ATRAID: variants seen among roughly 807,000 people sequenced by gnomAD.
ATRAID encodes all-trans retinoic acid induced differentiation factor.
A neutral mutation model predicts 28.8 loss-of-function variants in ATRAID; 26 were observed. The observed-to-expected ratio is 0.90, with a 90% CI of 0.66 to 1.25. The LOEUF (loss-of-function observed/expected upper bound fraction) is 1.25. Ranked by LOEUF, ATRAID falls within the 50% of genes most tolerant of loss-of-function variation. The pLI, the probability that ATRAID is intolerant of heterozygous loss-of-function variation, is 0.00. For synonymous variants in ATRAID, 131 were observed against 108.5 expected (o/e 1.21, Z -1.29); for missense variants, 308 against 285.9 (o/e 1.08, Z -0.56).
At chr2:27,214,777 G>A (rs897111476) in intron 2 of ATRAID, among the ~76,000 whole-genome samples, 1 of 152,162 alleles carries the variant, frequency 6.6e-6, no homozygotes, top group Non-Finnish European at 1.5e-5. Flanking sequence ...GCTTGAACCC[G>A]GGAGATGGAG....
intron 2 of ATRAID, among the ~76,000 whole-genome samples, chr2:27,214,215 G>A (rs895077442): frequency 3.9e-5 from 6 of 152,104 alleles, no homozygotes; most frequent in Non-Finnish European, 7.4e-5. Flanking sequence ...CCACTCAAAG[G>A]CCAAAATACT....
rs775983931 is a variant in ATRAID at position 27,212,155 on chromosome 2, G to A, written c.-214G>A. 42 of 1,533,204 alleles carry A rather than the reference G, an allele frequency of 2.7e-5. No individual in the cohort carries two copies. The Middle Eastern group carries it at 6.2e-4, about 23-fold the overall frequency. The allele number at this position is 1,533,204 out of a possible 1,614,324, so 95.0% of individuals were successfully genotyped here. On this transcript the variant is annotated 5_prime_UTR_variant, in exon 1 of 7. Transcript: ENST00000380171. ...GACGGGGGAGGCCTTCACTAAAGGG[G>A]AAAAGGAAGAGGGGGTCGGCCAGTA...
chr2:27,212,464 C>T lies in ATRAID; in HGVS notation c.96C>T (p.Pro32=), dbSNP rs775244461. 7 of 1,563,226 alleles carry T rather than the reference C, an allele frequency of 4.5e-6. No homozygotes were observed. In the African/African-American group the frequency reaches 5.5e-5, roughly 12 times the overall value. Residue 32 remains proline (P), a synonymous_variant, in exon 1 of 7, where the codon CCC becomes CCT. Transcript: ENST00000380171. ...ALGVERALAL[P]EICTQCPGSV... ...GCGTGGAAAGGGCTCTGGCGCTACC[C>T]GAGGTACAGAAGCAAGTTTGAGGTC...
chr2:27,212,667 C>T (rs1023500601), intron 1 of ATRAID, 200 bp downstream of exon 1: 3 of 1,379,776 alleles, frequency 2.2e-6, no homozygotes, highest in Non-Finnish European at 1.9e-6. Context: ...TGCCGACTTT[C>T]AAAGACCTGT....
In ATRAID at chr2:27,213,201, G is replaced by T. The variant is rs774464640; in HGVS notation, c.124G>T (p.Val42Leu). The change falls in exon 2 of 7, where the codon GTG (valine) becomes TTG (leucine). Residue 42 changes from valine to leucine, a missense_variant. Transcript: ENST00000380171. ...PEICTQCPGSVQNLSKVAFYC... is the reference protein window; with the variant it reads ...PEICTQCPGSLQNLSKVAFYC... Reference sequence around the variant, plus strand: ...GATATGCACCCAATGTCCAGGGAGCGTGCAAAATTTGTCAAAAGTGGCCTT... The same window carrying T: ...GATATGCACCCAATGTCCAGGGAGCTTGCAAAATTTGTCAAAAGTGGCCTT... 25 of 1,613,938 alleles carry T rather than the reference G, an allele frequency of 1.5e-5. No individual in the cohort carries two copies. Among genetic ancestry groups the T allele is most frequent in the Admixed American group, 1.3e-4 (8 of 59,998 alleles).
rs147492156 is a variant in ATRAID at position 27,215,499 on chromosome 2, G to A, written c.319G>A (p.Gly107Ser). 32 of 1,614,080 alleles carry A rather than the reference G, an allele frequency of 2.0e-5. No homozygotes were observed. In the Middle Eastern group the frequency reaches 1.2e-3, roughly 58 times the overall value. ...IIDLQANPLKGDLANTFRGFT... is the reference protein window; with the variant it reads ...IIDLQANPLKSDLANTFRGFT... ...AGACCTGCAAGCAAACCCCCTCAAA[G>A]GTGACTTGGCCAACACCTTCCGTGG... Residue 107 changes from glycine to serine, a missense_variant, in exon 4 of 7, where the codon GGT becomes AGT. Coordinates refer to ENST00000380171, the MANE Select transcript of ATRAID (RefSeq NM_001170795.4).
Position 27,212,205 on chromosome 2 carries a change from T to G in ATRAID, c.-164T>G. On this transcript the variant is annotated 5_prime_UTR_variant, in exon 1 of 7. The change abolishes an upstream ATG in the 5' untranslated region. Coordinates refer to ENST00000380171, the MANE Select transcript of ATRAID (RefSeq NM_001170795.4). ...ATCCCCGAAAGAGGGCTAGGGCGCA[T>G]GAAGACCAGCGCAGAGCTCCACGAG... 1.9e-6 allele frequency: 3 copies of G among 1,555,460 alleles called. No individual in the cohort carries two copies. Among genetic ancestry groups the G allele is most frequent in the Non-Finnish European group, 1.7e-6 (2 of 1,150,138 alleles).
intron 5 of ATRAID, among the ~76,000 whole-genome samples, chr2:27,216,085 G>A (rs1461819776): frequency 6.6e-6 from 1 of 152,226 alleles, no homozygotes; most frequent in Non-Finnish European, 1.5e-5. Context: ...TAGGAGTGCT[G>A]TTTTGCGGGC....
chr2:27,214,077 C>A (rs1255313530), intron 2 of ATRAID, among the ~76,000 whole-genome samples: 3 of 152,160 alleles, frequency 2.0e-5, no homozygotes, highest in Non-Finnish European at 4.4e-5. Flanking sequence ...TTAAAAACTT[C>A]CTGTAATCTT....
At chr2:27,212,530 G>C (rs911844796) in intron 1 of ATRAID, 63 bp downstream of exon 1, 1 of 1,505,628 alleles carries the variant, frequency 6.6e-7, no homozygotes, top group African/African-American at 1.4e-5. Context: ...CGTCGCGCTC[G>C]CCAGCGGCTC....
chr2:27,216,810 T>C lies in ATRAID; in HGVS notation c.586-34T>C, dbSNP rs559252443. The C allele has an allele frequency of 2.4e-5, 37 of 1,569,534 alleles. No homozygotes were observed. In the African/African-American group the frequency reaches 4.6e-4, roughly 20 times the overall value. ...TAGGATGTGGCCCTCCGTGTAACGT[T>C]GTATGGGGGTGTTTTTTGGTCTGTT... is the stretch of plus-strand genomic sequence containing the variant. On this transcript the variant is annotated intron_variant, in intron 6 of 6. Coordinates refer to ENST00000380171, the MANE Select transcript of ATRAID (RefSeq NM_001170795.4).
At position 27,216,916 on chromosome 2, in the gene ATRAID, GC is replaced by G. The variant is rs1674870588; in HGVS notation, c.659del (p.Ala220GlyfsTer18). On this transcript the variant is annotated frameshift_variant, in exon 7 of 7. Transcript: ENST00000380171. LOFTEE classifies it high-confidence loss of function. Reference protein sequence around the residue: ...TTLSVSILLWATQRRKAKTS With the variant: ...TTLSVSILLWXTQRRKAKTS The stretch of plus-strand genomic sequence containing the variant: ...TCTATCCGTCTCCATTCTGCTTTGG[GC>G]GACCCAGCGCCGAAAAGCCAAGACT... 1 of 1,613,978 alleles carries G rather than the reference GC, an allele frequency of 6.2e-7. No individual in the cohort carries two copies. The highest frequency in any genetic ancestry group is 8.5e-7 in the Non-Finnish European group (1 of 1,179,962).
In ATRAID at chr2:27,217,048, G is replaced by T; in HGVS notation, c.*100G>T. 1 of 1,075,242 alleles carries T rather than the reference G, an allele frequency of 9.3e-7. No individual in the cohort carries two copies. The highest frequency in any genetic ancestry group is 1.3e-6 in the Non-Finnish European group (1 of 755,004). The allele number at this position is 1,075,242 out of a possible 1,614,324, so 66.6% of individuals were successfully genotyped here. ...AAAGGCATCTTTCGCCAGTGGATTC[G>T]CCTCAAGGTTGAGGCCGCCATTGGA... On this transcript the variant is annotated 3_prime_UTR_variant, in exon 7 of 7. Transcript: ENST00000380171.
intron 5 of ATRAID, 41 bp downstream of exon 5, chr2:27,215,794 C>T (rs1322984608): frequency 1.2e-6 from 2 of 1,605,068 alleles, no homozygotes; most frequent in South Asian, 1.1e-5. Context: ...ATTGTCTTTT[C>T]TCCCTTGTAT....
chr2:27,216,283 C>G (rs564847735), intron 5 of ATRAID: 1 of 499,040 alleles, frequency 2.0e-6, no homozygotes, highest in East Asian at 3.8e-5. Context: ...ATTTTCATTT[C>G]TTTTGTGGAT....
rs369894240 is a variant in ATRAID, at chr2:27,215,324, G to C, written c.225G>C (p.Leu75=). ...CLNQKGTILG[L]DLQNCSLEDP... The stretch of plus-strand genomic sequence containing the variant: ...ATTGATTACTTTATTTCCTCAGGCT[G>C]GATCTCCAGAACTGTTCTCTGGAGG... Residue 75 remains leucine (L), a synonymous_variant, in exon 3 of 7, where the codon CTG becomes CTC. Coordinates refer to ENST00000380171, the MANE Select transcript of ATRAID (RefSeq NM_001170795.4). The C allele has an allele frequency of 1.9e-6, 3 of 1,613,866 alleles. No homozygotes were observed. Among genetic ancestry groups the C allele is most frequent in the East Asian group, 2.2e-5 (1 of 44,898 alleles).
Position 27,212,487 on chromosome 2 carries a change from G to A in ATRAID, c.99+20G>A. On this transcript the variant is annotated intron_variant, in intron 1 of 6. Coordinates refer to ENST00000380171, the MANE Select transcript of ATRAID (RefSeq NM_001170795.4). The stretch of plus-strand genomic sequence containing the variant: ...CCCGAGGTACAGAAGCAAGTTTGAG[G>A]TCGGGCTGAAGCAGGGTCGCTGGCC... The A allele has an allele frequency of 6.4e-7, 1 of 1,555,726 alleles. No individual in the cohort carries two copies. Among genetic ancestry groups the A allele is most frequent in the Non-Finnish European group, 8.7e-7 (1 of 1,153,028 alleles).
intron 2 of ATRAID, among the ~76,000 whole-genome samples, chr2:27,213,716 A>T (rs1674711005): frequency 6.6e-6 from 1 of 152,122 alleles, no homozygotes; most frequent in Admixed American, 6.5e-5. Context: ...ACTAGTCCCA[A>T]CCCACTTTTC....
chr2:27,213,477 A>G (rs1396715036), intron 2 of ATRAID, 179 bp downstream of exon 2: 1 of 663,104 alleles, frequency 1.5e-6, no homozygotes, highest in Non-Finnish European at 2.3e-6. Context: ...CTCCAGGTAC[A>G]TACGGGTACC....
Sources: allele counts gnomAD v4.1 joint callset (sites outside exome capture counted in the v4.1 genomes callset), GRCh38; gene constraint gnomAD v4.1.1; transcripts MANE v1.5; gene names NCBI Gene and HGNC (gene_info 2026-07-23, HGNC 2026-07-21).